The following TBL1XR1 variants were observed in gnomAD, a reference collection of about 807,000 sequenced individuals.
TBL1XR1 encodes F-box-like/WD repeat-containing protein TBL1XR1.
TBL1XR1 carries 5 observed loss-of-function variants against 66.9 expected under a neutral mutation model. That is an observed-to-expected ratio of 0.07 (90% CI 0.04 to 0.16). The LOEUF is 0.16. Ranked by LOEUF, TBL1XR1 falls within the 10% of genes least tolerant of loss-of-function variation. The pLI is 1.00. For missense variants in TBL1XR1, 238 were observed against 623.2 expected (o/e 0.38, Z 6.58); for synonymous variants, 210 against 206.0 (o/e 1.02, Z -0.17).
At chr3:177,138,803 C>T (rs1729295173) in intron 1 of TBL1XR1, among the ~76,000 whole-genome samples, 1 of 151,808 alleles carries the variant, frequency 6.6e-6, no homozygotes, top group South Asian at 2.1e-4. Context: ...TGAAATATAC[C>T]AAAGCACTGC....
chr3:177,061,554 C>G, intron 3 of TBL1XR1, among the ~76,000 whole-genome samples: 1 of 152,166 alleles, frequency 6.6e-6, no homozygotes, highest in Non-Finnish European at 1.5e-5. Context: ...TTTTGGAAGT[C>G]TTCACAAACC....
chr3:177,145,423 G>A (rs1312333649), intron 1 of TBL1XR1, among the ~76,000 whole-genome samples: 2 of 152,066 alleles, frequency 1.3e-5, no homozygotes, highest in East Asian at 3.8e-4. Flanking sequence ...ATGGAATACA[G>A]AGACCTGACA....
At chr3:177,146,589 C>CAAAAAAAAAAAAAAA (rs78065426) in intron 1 of TBL1XR1, among the ~76,000 whole-genome samples, 3,653 of 51,772 alleles carry the variant, frequency 0.071, 894 homozygotes, top group Middle Eastern at 0.13. Context: ...GACTCCATCT[C>CAAAAAAAAAAAAAAA]AAAAAAAAAA....
intron 14 of TBL1XR1, among the ~76,000 whole-genome samples, chr3:177,030,369 A>G (rs1362379255): frequency 1.3e-5 from 2 of 152,010 alleles, no homozygotes; most frequent in East Asian, 1.9e-4. Context: ...TAGAGGTACA[A>G]GTATTAATGT....
chr3:177,184,757 C>A (rs142702253), intron 1 of TBL1XR1, among the ~76,000 whole-genome samples: 89 of 151,574 alleles, frequency 5.9e-4, no homozygotes, highest in African/African-American at 2.1e-3. Flanking sequence ...GCCGATCGCA[C>A]CACTGCACTC....
chr3:177,125,257 C>T lies in TBL1XR1; in HGVS notation c.-121-26716G>A, dbSNP rs542593345. ...CCAATTTTGAAATCTGAACAGATAC[C>T]CCAAAGAGTAAAATACAAACGGCCA... On this transcript the variant is annotated intron_variant, in intron 1 of 15. Transcript: ENST00000457928. Among the ~76,000 whole-genome samples, 120 of 151,898 alleles carry T rather than the reference C, an allele frequency of 7.9e-4. No individual in the cohort carries two copies. The South Asian group carries it at 0.023, about 29-fold the overall frequency.
At chr3:177,070,309 C>T (rs927105445) in intron 2 of TBL1XR1, among the ~76,000 whole-genome samples, 7 of 152,058 alleles carry the variant, frequency 4.6e-5, no homozygotes, top group African/African-American at 7.2e-5. Flanking sequence ...CAGATTATAA[C>T]TAAGATCCTT....
chr3:177,133,927 C>T (rs12637827), intron 1 of TBL1XR1, among the ~76,000 whole-genome samples: 32,662 of 147,754 alleles, frequency 0.22, 4,048 homozygotes, highest in East Asian at 0.48. Context: ...ATATATTGGA[C>T]GTCTGTTGTT....
At chr3:177,126,213 A>C (rs1313239821) in intron 1 of TBL1XR1, 1 of 152,184 alleles carries the variant, frequency 6.6e-6, no homozygotes, top group Non-Finnish European at 1.5e-5. Context: ...ATCCCACACC[A>C]CTTTCTGACT....
chr3:177,092,566 T>C (rs1157641639), intron 2 of TBL1XR1, among the ~76,000 whole-genome samples: 1 of 152,112 alleles, frequency 6.6e-6, no homozygotes, highest in Non-Finnish European at 1.5e-5. Flanking sequence ...TAGTTGGTAG[T>C]GTAAAGAAAT....
chr3:177,100,822 G>A (rs1179465660), intron 1 of TBL1XR1, among the ~76,000 whole-genome samples: 1 of 151,288 alleles, frequency 6.6e-6, no homozygotes, highest in Non-Finnish European at 1.5e-5. Flanking sequence ...GTTCGTTCTT[G>A]TAGTTTAAGT....
At chr3:177,054,057 TGTGTGTGTGTGTGTGTGCGCGCGC>T (rs2108504753) in intron 3 of TBL1XR1, 139 bp from the exon 4 acceptor site, 3 of 638,846 alleles carry the variant, frequency 4.7e-6, no homozygotes, top group South Asian at 4.1e-5. Flanking sequence ...TGTGTGTGTG[TGTGTGTGTGTGTGTGTGCGCGCGC>T]GTGTGTGTGC....
intron 2 of TBL1XR1, among the ~76,000 whole-genome samples, chr3:177,092,524 G>C (rs1172732760): frequency 6.6e-6 from 1 of 152,074 alleles, no homozygotes; most frequent in African/African-American, 2.4e-5. Flanking sequence ...AAACATATTA[G>C]GAGCAGTTCA....
At chr3:177,175,787 G>A (rs762203846) in intron 1 of TBL1XR1, among the ~76,000 whole-genome samples, 27 of 152,116 alleles carry the variant, frequency 1.8e-4, no homozygotes, top group African/African-American at 4.6e-4. Context: ...GGCCAGGCGC[G>A]GTGGCTCATG....
At chr3:177,075,129 T>G (rs746273992) in intron 2 of TBL1XR1, among the ~76,000 whole-genome samples, 41 of 152,234 alleles carry the variant, frequency 2.7e-4, no homozygotes, top group Non-Finnish European at 7.3e-5. Flanking sequence ...TGAAGTGAAC[T>G]GTGTTGGCAG....
At chr3:177,092,248 A>T (rs1168325229) in intron 2 of TBL1XR1, among the ~76,000 whole-genome samples, 1 of 152,156 alleles carries the variant, frequency 6.6e-6, no homozygotes, top group East Asian at 1.9e-4. Context: ...CCTGTGAAAT[A>T]TTCTGCCACC....
At chr3:177,066,184 C>A (rs1420455167) in intron 2 of TBL1XR1, among the ~76,000 whole-genome samples, 1 of 152,020 alleles carries the variant, frequency 6.6e-6, no homozygotes, top group Non-Finnish European at 1.5e-5. Context: ...AATTAACAAG[C>A]ATTTGAGTAG....
At chr3:177,074,432 G>A (rs185011704) in intron 2 of TBL1XR1, among the ~76,000 whole-genome samples, 53 of 152,260 alleles carry the variant, frequency 3.5e-4, no homozygotes, top group African/African-American at 1.1e-3. Flanking sequence ...CCTAAGCCTA[G>A]GGAAAAATGT....
intron 2 of TBL1XR1, 63 bp downstream of exon 2, chr3:177,098,403 T>C: frequency 1.1e-6 from 1 of 928,122 alleles, no homozygotes; most frequent in South Asian, 5.0e-5. Flanking sequence ...CTTTCAAAAT[T>C]CTCAAAAGAT....
Sources: allele counts gnomAD v4.1 joint callset (sites outside exome capture counted in the v4.1 genomes callset), GRCh38; gene constraint gnomAD v4.1.1; transcripts MANE v1.5; gene names NCBI Gene and HGNC (gene_info 2026-07-23, HGNC 2026-07-21).